Variants in MTMR3 observed in about 807,000 individuals in gnomAD.
MTMR3 encodes the protein myotubularin related protein 3, also known as phosphatidylinositol-3,5-bisphosphate 3-phosphatase MTMR3.
In MTMR3, 32 loss-of-function variants were observed where a neutral mutation model predicts 132.4. That is an observed-to-expected ratio of 0.24 (90% CI 0.18 to 0.32). MTMR3 has a LOEUF of 0.32. Among genes scored for constraint, MTMR3 ranks in the 10% least tolerant of loss-of-function variants. The pLI is 1.00. For synonymous variants in MTMR3, 556 were observed against 550.3 expected (o/e 1.01, Z -0.14); for missense variants, 1,216 against 1,489.6 (o/e 0.82, Z 3.02).
intron 1 of MTMR3, among the ~76,000 whole-genome samples, chr22:29,949,185 A>C: frequency 8.3e-6 from 1 of 119,888 alleles, no homozygotes; most frequent in Non-Finnish European, 1.6e-5. Flanking sequence ...AAACACACAC[A>C]CATGCGTGCG....
At chr22:29,952,461 T>C (rs1280906096) in intron 1 of MTMR3, among the ~76,000 whole-genome samples, 1 of 151,770 alleles carries the variant, frequency 6.6e-6, no homozygotes, top group African/African-American at 2.4e-5. Context: ...ACCAGGACAA[T>C]GACAGAATTT....
chr22:29,967,236 T>TGCGCGC lies in MTMR3; in HGVS notation c.-84-3731_-84-3726dup, dbSNP rs140226487. Among the ~76,000 whole-genome samples the TGCGCGC allele has an allele frequency of 3.1e-4, 44 of 139,714 alleles. 1 individual carries two copies. Among genetic ancestry groups the TGCGCGC allele is most frequent in the African/African-American group, 1.1e-3 (43 of 37,664 alleles). The allele number at this position is 139,714 out of a possible 152,430, so 91.7% of individuals were successfully genotyped here. A position where few individuals can be genotyped will look rare whatever the true frequency, so the allele number is the denominator to read the frequency against. ...GTGTGTGTGTGTGTGTGTGTGTGCA[T>TGCGCGC]GCGCGCGCGCGCGCATGTTTTTTAG... On this transcript the variant is annotated intron_variant, in intron 2 of 19. Coordinates refer to ENST00000401950, the MANE Select transcript of MTMR3 (RefSeq NM_021090.4).
intron 1 of MTMR3, among the ~76,000 whole-genome samples, chr22:29,927,943 T>TTTTTG (rs1555898560): frequency 6.9e-6 from 1 of 145,588 alleles, no homozygotes; most frequent in Non-Finnish European, 1.5e-5. Context: ...GCCTTTGTTT[T>TTTTTG]TTTTTTTTTT....
In MTMR3 at chr22:30,019,489, G is replaced by T. The variant is rs894119670; in HGVS notation, c.1830G>T (p.Lys610Asn). ...AATTCCTTTCCTTTAGGCTACCAAA[G>T]ACTAGATCATACGACAATCTGACCA... ...PDDPPLSRLPKTRSYDNLTTA... is the reference protein window; with the variant it reads ...PDDPPLSRLPNTRSYDNLTTA... The change falls in exon 17 of 20, where the codon AAG (lysine) becomes AAT (asparagine). Residue 610 changes from lysine (K) to asparagine (N), a missense_variant. Lys to Asn is a moderately conservative substitution (Grantham distance 94). This residue lies in a region of MTMR3 where 852 missense variants were observed against 852.0 expected (regional missense o/e 1.00). Transcript: ENST00000401950. 2 of 1,603,004 alleles carry T rather than the reference G, an allele frequency of 1.2e-6. No individual in the cohort carries two copies. Among genetic ancestry groups the T allele is most frequent in the Admixed American group, 1.7e-5 (1 of 59,776 alleles).
At chr22:30,015,845 C>T (rs1331171227) in intron 14 of MTMR3, 6 of 152,334 alleles carry the variant, frequency 3.9e-5, no homozygotes, top group African/African-American at 1.2e-4. Flanking sequence ...CACTGGCCTC[C>T]TTGCTGTAGC....
intron 1 of MTMR3, among the ~76,000 whole-genome samples, chr22:29,896,044 C>G (rs1160357856): frequency 6.6e-6 from 1 of 152,090 alleles, no homozygotes; most frequent in East Asian, 1.9e-4. Flanking sequence ...GCGTGGTAGC[C>G]CACGCCTGTA....
chr22:29,936,447 C>T (rs1380215167), intron 1 of MTMR3, among the ~76,000 whole-genome samples: 2 of 152,128 alleles, frequency 1.3e-5, no homozygotes, highest in Admixed American at 1.3e-4. Context: ...TAGACTTCTT[C>T]CTGCCCTGGA....
chr22:29,916,968 G>A (rs183066806), intron 1 of MTMR3, among the ~76,000 whole-genome samples: 62 of 152,262 alleles, frequency 4.1e-4, no homozygotes, highest in Middle Eastern at 6.8e-3. Flanking sequence ...TGAGCTTTAA[G>A]ATACAATGTC....
chr22:29,991,747 G>A, intron 7 of MTMR3, 77 bp downstream of exon 7: 10 of 1,416,032 alleles, frequency 7.1e-6, no homozygotes, highest in Non-Finnish European at 9.4e-6. Context: ...CATGAAATGG[G>A]ACACCTAAGC....
chr22:30,012,380 T>C lies in MTMR3; in HGVS notation c.1134T>C (p.Ala378=). The change falls in exon 13 of 20, where the codon GCT becomes GCC. Residue 378 remains alanine (A), a synonymous_variant. Coordinates refer to ENST00000401950, the MANE Select transcript of MTMR3 (RefSeq NM_021090.4). ...CCTGTTTTTATAGTTGGCTATCAGC[T>C]CTTGAAAGCACAAAATGGCTCCATC... ...QMPDPGNWLS[A]LESTKWLHHL... is the part of the protein sequence containing the mutation. 2 of 1,613,498 alleles carry C rather than the reference T, an allele frequency of 1.2e-6. No homozygotes were observed. The highest frequency in any genetic ancestry group is 1.1e-5 in the South Asian group (1 of 90,918).
At chr22:29,908,292 A>G (rs559363057) in intron 1 of MTMR3, among the ~76,000 whole-genome samples, 1 of 152,364 alleles carries the variant, frequency 6.6e-6, no homozygotes, top group East Asian at 1.9e-4. Flanking sequence ...TACATAGTTT[A>G]GTAGTAAGCA....
intron 12 of MTMR3, chr22:30,009,936 C>T (rs1036286095): frequency 3.9e-5 from 6 of 152,184 alleles, no homozygotes; most frequent in African/African-American, 9.7e-5. Flanking sequence ...AGTTTTACTG[C>T]GTTCTTTATT....
intron 1 of MTMR3, among the ~76,000 whole-genome samples, chr22:29,956,482 A>G (rs1346150995): frequency 1.3e-5 from 2 of 151,210 alleles, no homozygotes; most frequent in South Asian, 2.1e-4. Flanking sequence ...CCTGACCTCA[A>G]GTGATCCGCC....
chr22:29,978,211 A>G (rs528576384), intron 3 of MTMR3: 7 of 350,132 alleles, frequency 2.0e-5, no homozygotes, highest in Non-Finnish European at 2.7e-5. Context: ...CCTAATAGAA[A>G]TATTCTAACC....
rs754278761 is a variant in MTMR3 at position 30,007,895 on chromosome 22, C to T, written c.878-6C>T. 1.9e-6 allele frequency: 3 copies of T among 1,613,416 alleles called. No homozygotes were observed. Among genetic ancestry groups the T allele is most frequent in the African/African-American group, 2.7e-5 (2 of 74,838 alleles). ...TTTAGTATGCCCTCTCCCTCTGTGT[C>T]CCTAGATTCTTCTCTGTCAAATGCT... On this transcript the variant is annotated splice_polypyrimidine_tract_variant and splice_region_variant and intron_variant, in intron 10 of 19. Transcript: ENST00000401950.
At chr22:29,971,909 G>A (rs1263339232) in intron 3 of MTMR3, among the ~76,000 whole-genome samples, 1 of 152,186 alleles carries the variant, frequency 6.6e-6, no homozygotes, top group South Asian at 2.1e-4. Context: ...ACTGTTTTAT[G>A]CTGATGCACA....
intron 9 of MTMR3, 54 bp from the exon 10 acceptor site, chr22:30,007,060 G>A: frequency 1.3e-6 from 2 of 1,584,268 alleles, no homozygotes; most frequent in East Asian, 2.2e-5. Context: ...TATTTTGTGT[G>A]AGTACAGAGA....
At chr22:29,941,417 A>AT (rs1253718919) in intron 1 of MTMR3, among the ~76,000 whole-genome samples, 1 of 152,094 alleles carries the variant, frequency 6.6e-6, no homozygotes, top group Non-Finnish European at 1.5e-5. Flanking sequence ...CTCTTGGGTA[A>AT]TACCCAGGAG....
chr22:30,017,680 C>G, intron 15 of MTMR3: 1 of 449,180 alleles, frequency 2.2e-6, no homozygotes, highest in South Asian at 3.5e-5. Flanking sequence ...AGAAAGGGAT[C>G]TAAAAAATAT....
Sources: gnomAD v4.1 joint callset for allele counts (sites outside exome capture counted in the v4.1 genomes callset) on GRCh38, gnomAD v4.1.1 for gene constraint, gnomAD v4.1.1 regional missense constraint, MANE v1.5 for transcripts, NCBI Gene and HGNC (gene_info 2026-07-23, HGNC 2026-07-21) for gene names.